FIG4: variants seen among roughly 807,000 people sequenced by gnomAD.
FIG4 encodes polyphosphoinositide phosphatase.
A neutral mutation model predicts 118.6 loss-of-function variants in FIG4; 112 were observed. That is an observed-to-expected ratio of 0.94 (90% confidence interval 0.81 to 1.11). The LOEUF is 1.11. FIG4 is among the 50% of genes least tolerant of loss of function. The pLI is 0.00. For missense variants in FIG4, 969 were observed against 1,111.7 expected, an observed-to-expected ratio of 0.87 and a Z score of 1.83; for synonymous variants, 369 against 381.2, an observed-to-expected ratio of 0.97 and a Z score of 0.37.
Position 109,791,524 on chromosome 6 carries a change from A to C in FIG4, c.2329A>C (p.Thr777Pro), listed in dbSNP as rs1778137467. ...AGAGGGCTCTGTGTCTCAGCGCTCC[A>C]CTCCCGTGAAGATGACTGATGCAGG... ...EEEGSVSQRS[T>P]PVKMTDAGDS... is the part of the protein sequence containing the mutation. The change falls in exon 20 of 23, where the codon ACT (threonine) becomes CCT (proline). Residue 777 changes from threonine (T) to proline (P), a missense_variant. Thr to Pro is a conservative substitution (Grantham distance 38, BLOSUM62 -1). Around this residue, in one of 3 missense-constraint regions of FIG4, gnomAD observed 330 missense variants for 348.1 expected, o/e 0.95. Coordinates refer to ENST00000230124, the MANE Select transcript of FIG4 (RefSeq NM_014845.6). 6.2e-7 allele frequency: 1 copy of C among 1,613,882 alleles called. No homozygotes were observed. The highest frequency in any genetic ancestry group is 8.5e-7 in the Non-Finnish European group (1 of 1,180,012).
chr6:109,730,825 T>C (rs576770839), intron 4 of FIG4, among the ~76,000 whole-genome samples: 1 of 152,276 alleles, frequency 6.6e-6, no homozygotes, highest in East Asian at 1.9e-4. Context: ...AATCCTGGTA[T>C]GGAAAAGGAT....
Position 109,755,614 on chromosome 6 carries a change from G to A in FIG4, c.1138-4636G>A, listed in dbSNP as rs146486956. Among the ~76,000 whole-genome samples the A allele has an allele frequency of 4.2e-3, 636 of 152,234 alleles. 6 individuals carry two copies. Among genetic ancestry groups the A allele is most frequent in the African/African-American group, 0.013 (557 of 41,526 alleles). On this transcript the variant is annotated intron_variant, in intron 10 of 22. Transcript: ENST00000230124. ...ACTCAGGACTTGCTTAATGAATCTT[G>A]GTGCTCCTGTATTGGGTGCATATAT... is the stretch of plus-strand genomic sequence containing the variant.
At position 109,760,295 on chromosome 6, in the gene FIG4, G is replaced by C; in HGVS notation, c.1183G>C (p.Val395Leu). ...KHERILSEEL[V>L]AAVTYLNQFL... Reference sequence around the variant, plus strand: ...TGAAAGAATTCTGAGTGAAGAACTTGTTGCTGCTGTGACCTATCTCAACCA... The same window carrying C: ...TGAAAGAATTCTGAGTGAAGAACTTCTTGCTGCTGTGACCTATCTCAACCA... Residue 395 changes from valine (V) to leucine (L), a missense_variant, in exon 11 of 23, where the codon GTT becomes CTT. Transcript: ENST00000230124. The C allele has an allele frequency of 6.2e-7, 1 of 1,613,670 alleles. No individual in the cohort carries two copies. The highest frequency in any genetic ancestry group is 8.5e-7 in the Non-Finnish European group (1 of 1,179,586).
At chr6:109,730,729 AT>A (rs1775972873) in intron 4 of FIG4, among the ~76,000 whole-genome samples, 1 of 152,186 alleles carries the variant, frequency 6.6e-6, no homozygotes, top group Non-Finnish European at 1.5e-5. Flanking sequence ...CAAAAATGAA[AT>A]TTGATTCCAT....
At chr6:109,735,334 T>TG (rs766070350) in intron 6 of FIG4, 36 bp downstream of exon 6, 3 of 1,559,794 alleles carry the variant, frequency 1.9e-6, no homozygotes, top group Non-Finnish European at 2.7e-6. Flanking sequence ...TATATTAATG[T>TG]GGTATCCATG....
chr6:109,825,072 T>C lies in FIG4; in HGVS notation c.2547-16T>C, dbSNP rs1474288605. The C allele has an allele frequency of 1.9e-6, 3 of 1,611,578 alleles. No individual in the cohort carries two copies. Among genetic ancestry groups the C allele is most frequent in the Non-Finnish European group, 2.5e-6 (3 of 1,177,828 alleles). The stretch of plus-strand genomic sequence containing the variant: ...ATTTTCTTTAATGCAGCCCTCTCTT[T>C]ATTCATCTTTTATAGAACACCCATC... On this transcript the variant is annotated splice_polypyrimidine_tract_variant and intron_variant, in intron 22 of 22. Transcript: ENST00000230124.
intron 13 of FIG4, 47 bp from the exon 14 acceptor site, chr6:109,764,966 T>C (rs781638412): frequency 3.0e-5 from 47 of 1,568,908 alleles, no homozygotes; most frequent in Non-Finnish European, 4.0e-5. Flanking sequence ...ATGGAAGTTC[T>C]TTGGTGATGG....
At chr6:109,805,625 G>A (rs989096902) in intron 22 of FIG4, among the ~76,000 whole-genome samples, 2 of 152,106 alleles carry the variant, frequency 1.3e-5, no homozygotes, top group African/African-American at 4.8e-5. Context: ...ATTAAATCCT[G>A]AAATGTCTGA....
Position 109,825,399 on chromosome 6 carries a change from A to G in FIG4, c.*134A>G. The G allele has an allele frequency of 1.3e-6, 1 of 743,464 alleles. No homozygotes were observed. The highest frequency in any genetic ancestry group is 2.3e-6 in the Non-Finnish European group (1 of 430,024). The allele number at this position is 743,464 out of a possible 1,614,324, so 46.1% of individuals were successfully genotyped here. A position where few individuals can be genotyped will look rare whatever the true frequency, so the allele number is the denominator to read the frequency against. ...CTTTTCTGTCACTTGCAAATTCCAA[A>G]TTATAGCTAATAAAGATGACTAGAT... is the stretch of plus-strand genomic sequence containing the variant. On this transcript the variant is annotated 3_prime_UTR_variant, in exon 23 of 23. Coordinates refer to ENST00000230124, the MANE Select transcript of FIG4 (RefSeq NM_014845.6).
chr6:109,804,094 T>C (rs1778501116), intron 22 of FIG4, among the ~76,000 whole-genome samples: 1 of 152,144 alleles, frequency 6.6e-6, no homozygotes, highest in Non-Finnish European at 1.5e-5. Context: ...TTTTAATGTA[T>C]TTTTGTCTCA....
At chr6:109,822,787 G>GTA (rs10523453) in intron 22 of FIG4, among the ~76,000 whole-genome samples, 3,602 of 119,178 alleles carry the variant, frequency 0.03, 42 homozygotes, top group African/African-American at 0.034. Flanking sequence ...GTGTGTGTAT[G>GTA]TATATATATA....
chr6:109,792,839 C>T (rs1403921088), intron 21 of FIG4, among the ~76,000 whole-genome samples, 175 bp downstream of exon 21: 2 of 149,246 alleles, frequency 1.3e-5, no homozygotes, highest in African/African-American at 4.9e-5. Context: ...TGCAGGTGCA[C>T]GCCACTATGC....
intron 5 of FIG4, 81 bp from the exon 6 acceptor site, chr6:109,735,069 A>G: frequency 1.6e-6 from 2 of 1,249,678 alleles, no homozygotes; most frequent in Non-Finnish European, 1.2e-6. Context: ...TAGTTCACAG[A>G]TTTTAATTCT....
At position 109,823,418 on chromosome 6, in the gene FIG4, A is replaced by G. The variant is rs540731869; in HGVS notation, c.2547-1670A>G. Among the ~76,000 whole-genome samples, 16 of 152,266 alleles carry G rather than the reference A, an allele frequency of 1.1e-4. No homozygotes were observed. The South Asian group carries it at 2.7e-3, about 26-fold the overall frequency. On this transcript the variant is annotated intron_variant, in intron 22 of 22. Coordinates refer to ENST00000230124, the MANE Select transcript of FIG4 (RefSeq NM_014845.6). Reference sequence around the variant, plus strand: ...CCTAGTTCTGTGTTATTTTAATGCAATTGAATGTAGTCTCCAGTCATCTCA... The same window carrying G: ...CCTAGTTCTGTGTTATTTTAATGCAGTTGAATGTAGTCTCCAGTCATCTCA...
chr6:109,715,627 G>A (rs899000255), intron 2 of FIG4, among the ~76,000 whole-genome samples: 1 of 152,112 alleles, frequency 6.6e-6, no homozygotes, highest in African/African-American at 2.4e-5. Context: ...TATACACTAA[G>A]GAAATGTTAA....
At chr6:109,709,347 C>T (rs533935338) in intron 1 of FIG4, among the ~76,000 whole-genome samples, 1 of 152,266 alleles carries the variant, frequency 6.6e-6, no homozygotes, top group East Asian at 1.9e-4. Flanking sequence ...CAGTACCATG[C>T]TGTTTTGGTT....
rs573943554 is a variant in FIG4, at chr6:109,757,973, A to T, written c.1138-2277A>T. ...GTGAAATAAGAGAGGGCACAAACAG[A>T]TGGAAAAACATTCCATGCTCATTGA... On this transcript the variant is annotated intron_variant, in intron 10 of 22. Coordinates refer to ENST00000230124, the MANE Select transcript of FIG4 (RefSeq NM_014845.6). Among the ~76,000 whole-genome samples, 140 of 152,340 alleles carry T rather than the reference A, an allele frequency of 9.2e-4. No individual in the cohort carries two copies. In the South Asian group the frequency reaches 0.015, roughly 17 times the overall value.
intron 22 of FIG4, among the ~76,000 whole-genome samples, chr6:109,813,344 C>T (rs1010461404): frequency 6.6e-6 from 1 of 152,098 alleles, no homozygotes; most frequent in African/African-American, 2.4e-5. Context: ...GGAAATTAAC[C>T]TCAGTACACT....
At position 109,707,291 on chromosome 6, in the gene FIG4, A is replaced by ATATG. The variant is rs1554298621; in HGVS notation, c.67-7786_67-7785insATGT. On this transcript the variant is annotated intron_variant, in intron 1 of 22. Transcript: ENST00000230124. The stretch of plus-strand genomic sequence containing the variant: ...TGTGTGTGTGTGTGTATATATATAT[A>ATATG]TGTGTGTGTGTGTGTGTATGTGTAT... 6.1e-3 allele frequency among the ~76,000 whole-genome samples: 886 copies of ATATG among 145,492 alleles called. 14 individuals carry two copies. Among genetic ancestry groups the ATATG allele is most frequent in the African/African-American group, 0.021 (837 of 39,196 alleles).
Sources: gnomAD v4.1 joint callset for allele counts (sites outside exome capture counted in the v4.1 genomes callset) on GRCh38, gnomAD v4.1.1 for gene constraint, gnomAD v4.1.1 regional missense constraint, MANE v1.5 for transcripts, NCBI Gene and HGNC (gene_info 2026-07-23, HGNC 2026-07-21) for gene names.